The following TMEM176A variants were observed in gnomAD, a reference collection of about 807,000 sequenced individuals.
The protein encoded by TMEM176A is transmembrane protein 176A, also known as hepatocellular carcinoma-associated antigen 112.
In TMEM176A, 20 loss-of-function variants were observed where a neutral mutation model predicts 27.9. The observed-to-expected ratio is 0.72, with a 90% CI of 0.50 to 1.04. The LOEUF is 1.04. Ranked by LOEUF, TMEM176A falls within the 50% of genes least tolerant of loss-of-function variation. The probability of loss-of-function intolerance (pLI) is 0.00; values close to 1 mark genes in which losing one functional copy is unlikely to be tolerated. For synonymous variants in TMEM176A, 125 were observed against 118.0 expected (o/e 1.06, Z -0.38); for missense variants, 252 against 289.1 (o/e 0.87, Z 0.93).
At chr7:150,803,885 C>G in intron 5 of TMEM176A, 53 bp downstream of exon 5, 1 of 1,565,694 alleles carries the variant, frequency 6.4e-7, no homozygotes, top group Non-Finnish European at 8.7e-7. Flanking sequence ...ATGGCCAGGC[C>G]AGGCCAGGGG....
chr7:150,804,466 C>T lies in TMEM176A; in HGVS notation c.660C>T (p.Thr220=). 6.2e-7 allele frequency: 1 copy of T among 1,613,172 alleles called. No homozygotes were observed. The highest frequency in any genetic ancestry group is 2.2e-5 in the East Asian group (1 of 44,880). The change falls in exon 6 of 7, where the codon ACC becomes ACT. Residue 220 remains threonine (T), a synonymous_variant. Transcript: ENST00000004103. ...TGTACTGCTGGAGAATGTTCCCAACCAAAGGGGTGAGTCCCTAAGGTGTGT... is the reference window on the plus strand; with the variant it reads ...TGTACTGCTGGAGAATGTTCCCAACTAAAGGGGTGAGTCCCTAAGGTGTGT... ...LWLYCWRMFP[T]KGKRDQKEML...
At chr7:150,802,576 A>T (rs1484012424) in intron 3 of TMEM176A, 31 of 782,314 alleles carry the variant, frequency 4.0e-5, no homozygotes, top group Non-Finnish European at 5.5e-5. Flanking sequence ...CCTGCCTTCA[A>T]CAGTTAATGT....
In TMEM176A at chr7:150,804,933, G is replaced by A. The variant is rs889625932; in HGVS notation, c.*65G>A. ...CCGGGCGTCCCTGCATCTGACTGCT[G>A]GAAGAAGAACCAGACTGAGGAAAAG... On this transcript the variant is annotated 3_prime_UTR_variant, in exon 7 of 7. Coordinates refer to ENST00000004103, the MANE Select transcript of TMEM176A (RefSeq NM_018487.3). 1.2e-5 allele frequency: 19 copies of A among 1,556,066 alleles called. No homozygotes were observed. Among genetic ancestry groups the A allele is most frequent in the Non-Finnish European group, 1.6e-5 (18 of 1,127,430 alleles).
chr7:150,801,206 A>T, intron 1 of TMEM176A: 1 of 212,154 alleles, frequency 4.7e-6, no homozygotes, highest in South Asian at 1.5e-4. Flanking sequence ...CCGCAGGAAG[A>T]GCCCGGGAGG....
intron 1 of TMEM176A, 147 bp from the exon 2 acceptor site, chr7:150,801,389 T>A (rs1235423196): frequency 1.4e-6 from 1 of 733,332 alleles, no homozygotes; most frequent in South Asian, 2.0e-5. Flanking sequence ...ATTCCCCTCG[T>A]GAGGGGCCAG....
chr7:150,801,887 G>T (rs1171494228), intron 2 of TMEM176A, 163 bp downstream of exon 2: 2 of 774,686 alleles, frequency 2.6e-6, no homozygotes, highest in Non-Finnish European at 4.0e-6. Flanking sequence ...CCTGGGGAGG[G>T]GAGGCTCTGG....
At chr7:150,800,859 C>T (rs1798755558) in intron 1 of TMEM176A, 31 bp downstream of exon 1, 4 of 963,570 alleles carry the variant, frequency 4.2e-6, no homozygotes, top group Non-Finnish European at 1.2e-6. Flanking sequence ...CGGCGGCCCC[C>T]GGGCCTCCTT....
At chr7:150,803,487 C>G in intron 4 of TMEM176A, 31 bp downstream of exon 4, 3 of 1,577,348 alleles carry the variant, frequency 1.9e-6, no homozygotes, top group Middle Eastern at 3.5e-4. Flanking sequence ...GGGAGGGGAC[C>G]AGGTTCAGGC....
At chr7:150,804,687 G>A (rs1798885719) in intron 6 of TMEM176A, 140 bp from the exon 7 acceptor site, 2 of 988,044 alleles carry the variant, frequency 2.0e-6, no homozygotes, top group Non-Finnish European at 3.1e-6. Context: ...GGAATCCAGG[G>A]AAGTCCATAT....
At chr7:150,804,782 C>A in intron 6 of TMEM176A, 45 bp from the exon 7 acceptor site, 15 of 1,602,552 alleles carry the variant, frequency 9.4e-6, no homozygotes, top group Non-Finnish European at 1.1e-5. Flanking sequence ...AGACTCCGCC[C>A]TTTCTCTCCC....
Position 150,803,433 on chromosome 7 carries a change from G to A in TMEM176A, c.319G>A (p.Glu107Lys), listed in dbSNP as rs750447907. Residue 107 changes from glutamate (E) to lysine (K), a missense_variant, in exon 4 of 7, where the codon GAG becomes AAG. Transcript: ENST00000004103. ...GGCTGGAGCTGCTGCCTTCATTTAC[G>A]AGAAACGGGGTGGTACATACTGGGT... ...VLAGAAAFIYEKRGGTYWALL... is the reference protein window; with the variant it reads ...VLAGAAAFIYKKRGGTYWALL... 38 of 1,596,018 alleles carry A rather than the reference G, an allele frequency of 2.4e-5. No individual in the cohort carries two copies. The highest frequency in any genetic ancestry group is 2.7e-5 in the Non-Finnish European group (32 of 1,171,982).
chr7:150,801,001 C>G (rs1226166285), intron 1 of TMEM176A, 173 bp downstream of exon 1: 1 of 985,774 alleles, frequency 1.0e-6, no homozygotes, highest in Non-Finnish European at 1.2e-6. Context: ...ACCTCCGCAC[C>G]GCAGCGCGGT....
Position 150,804,437 on chromosome 7 carries a change from T to C in TMEM176A, c.631T>C (p.Trp211Arg), listed in dbSNP as rs756348472. The part of the protein sequence containing the change: ...LLLLASLTPL[W>R]LYCWRMFPTK... ...GCTTCTGGCATCTCTGACCCCTCTG[T>C]GGCTGTACTGCTGGAGAATGTTCCC... Residue 211 changes from tryptophan to arginine, a missense_variant, in exon 6 of 7, where the codon TGG (tryptophan) becomes CGG (arginine). By Grantham distance (101) the Trp-to-Arg change is moderately radical (BLOSUM62 -3). Transcript: ENST00000004103. 10 of 1,614,174 alleles carry C rather than the reference T, an allele frequency of 6.2e-6. No homozygotes were observed. The highest frequency in any genetic ancestry group is 1.7e-5 in the Admixed American group (1 of 60,016).
chr7:150,804,997 C>G lies in TMEM176A; in HGVS notation c.*129C>G. 1 of 962,242 alleles carries G rather than the reference C, an allele frequency of 1.0e-6. No homozygotes were observed. The highest frequency in any genetic ancestry group is 1.7e-6 in the Non-Finnish European group (1 of 604,680). The allele number at this position is 962,242 out of a possible 1,614,324, so 59.6% of individuals were successfully genotyped here. ...GCCCCAGTTATCCTGGCCCCATGAC[C>G]GTGGCCACAGCCCTGCTCCAGCAGC... On this transcript the variant is annotated 3_prime_UTR_variant, in exon 7 of 7. Coordinates refer to ENST00000004103, the MANE Select transcript of TMEM176A (RefSeq NM_018487.3).
At chr7:150,802,504 T>C (rs1798833040) in intron 3 of TMEM176A, 179 bp downstream of exon 3, 5 of 702,898 alleles carry the variant, frequency 7.1e-6, no homozygotes, top group Non-Finnish European at 1.2e-5. Context: ...GCATGTCCTA[T>C]TCACACTGTC....
intron 2 of TMEM176A, 34 bp downstream of exon 2, chr7:150,801,758 G>A (rs959741917): frequency 1.2e-5 from 17 of 1,464,550 alleles, no homozygotes; most frequent in Non-Finnish European, 1.4e-5. Context: ...CGGGCGGCGG[G>A]AGGAACTCCC....
At chr7:150,804,666 C>A in intron 6 of TMEM176A, 161 bp from the exon 7 acceptor site, 2 of 908,284 alleles carry the variant, frequency 2.2e-6, no homozygotes, top group Non-Finnish European at 3.4e-6. Flanking sequence ...GCCCCCAAGT[C>A]AAAGAGCCCA....
At chr7:150,801,972 G>A in intron 2 of TMEM176A, 1 of 617,112 alleles carries the variant, frequency 1.6e-6, no homozygotes, top group South Asian at 2.0e-5. Context: ...CCTTTCCTCT[G>A]GGCCAAACTC....
intron 2 of TMEM176A, 48 bp from the exon 3 acceptor site, chr7:150,802,167 G>A (rs1360061149): frequency 6.6e-6 from 10 of 1,513,560 alleles, no homozygotes; most frequent in Non-Finnish European, 9.2e-6. Flanking sequence ...AATCCCTGCA[G>A]TGGCAGGTCC....
Sources: allele counts gnomAD v4.1 joint callset, GRCh38; gene constraint gnomAD v4.1.1; transcripts MANE v1.5; gene names NCBI Gene and HGNC (gene_info 2026-07-23, HGNC 2026-07-21).